Variants in CHRM5 observed in about 807,000 individuals in gnomAD.
CHRM5 encodes cholinergic receptor muscarinic 5.
CHRM5 carries 18 observed loss-of-function variants against 39.0 expected under a neutral mutation model. That is an observed-to-expected ratio of 0.46 (90% CI 0.32 to 0.68). The LOEUF (loss-of-function observed/expected upper bound fraction) is 0.68, where lower values mean the gene tolerates loss of function less well. CHRM5 is among the 30% of genes least tolerant of loss of function. The pLI, the probability that CHRM5 is intolerant of heterozygous loss-of-function variation, is 0.04. For synonymous variants in CHRM5, 241 were observed against 246.3 expected, an observed-to-expected ratio of 0.98 and a Z score of 0.20; for missense variants, 515 against 651.1, an observed-to-expected ratio of 0.79 and a Z score of 2.28.
chr15:34,041,997 A>C (rs1458286917), intron 1 of CHRM5, among the ~76,000 whole-genome samples: 1 of 152,160 alleles, frequency 6.6e-6, no homozygotes, highest in East Asian at 1.9e-4. Flanking sequence ...TTAGGATAGG[A>C]AAATTCTGAG....
At chr15:33,989,804 C>T (rs1195115933) in intron 1 of CHRM5, among the ~76,000 whole-genome samples, 7 of 151,594 alleles carry the variant, frequency 4.6e-5, no homozygotes, top group Non-Finnish European at 8.8e-5. Context: ...CAAAACCCAC[C>T]TAAAATTATC....
At chr15:34,035,405 A>C (rs186213008) in intron 1 of CHRM5, among the ~76,000 whole-genome samples, 128 of 152,354 alleles carry the variant, frequency 8.4e-4, no homozygotes, top group African/African-American at 3.0e-3. Context: ...GGCATGTGAA[A>C]GAATCACTCA....
At chr15:34,036,424 C>A (rs1441861109) in intron 1 of CHRM5, among the ~76,000 whole-genome samples, 1 of 152,076 alleles carries the variant, frequency 6.6e-6, no homozygotes, top group African/African-American at 2.4e-5. Context: ...GGCTAGGAGT[C>A]TATTATGATT....
chr15:34,005,766 T>C (rs1897313072), intron 1 of CHRM5, among the ~76,000 whole-genome samples: 1 of 152,220 alleles, frequency 6.6e-6, no homozygotes, highest in Non-Finnish European at 1.5e-5. Flanking sequence ...AATCCTCACC[T>C]GAATCAACTT....
At chr15:34,002,646 GA>G (rs931585594) in intron 1 of CHRM5, among the ~76,000 whole-genome samples, 18 of 151,292 alleles carry the variant, frequency 1.2e-4, no homozygotes, top group Non-Finnish European at 2.5e-4. Flanking sequence ...TTAAAAAAAG[GA>G]AAAAAAAGAG....
chr15:34,001,019 AT>A lies in CHRM5; in HGVS notation c.-408+31887del, dbSNP rs562045179. On this transcript the variant is annotated intron_variant, in intron 1 of 2. Coordinates refer to ENST00000383263, the MANE Select transcript of CHRM5 (RefSeq NM_012125.4). ...GACAGGCCTGCTAGGTTGGACTAGA[AT>A]TTTTTTTTTTTTTTTTTGAGACGGA... Among the ~76,000 whole-genome samples the A allele has an allele frequency of 9.4e-3, 1,290 of 136,734 alleles. 14 individuals are homozygous for A. Among genetic ancestry groups the A allele is most frequent in the African/African-American group, 0.028 (1,011 of 35,852 alleles). 89.7% of individuals were successfully genotyped at this position (136,734 alleles called of 152,430 possible). A position where few individuals can be genotyped will look rare whatever the true frequency, so the allele number is the denominator to read the frequency against.
At chr15:33,972,965 C>T (rs535224393) in intron 1 of CHRM5, among the ~76,000 whole-genome samples, 13 of 152,284 alleles carry the variant, frequency 8.5e-5, no homozygotes, top group Admixed American at 7.8e-4. Context: ...ATTGCTTGAT[C>T]CAGTGGTGTG....
intron 1 of CHRM5, among the ~76,000 whole-genome samples, chr15:34,035,007 T>C (rs2684940): frequency 0.83 from 126,049 of 152,210 alleles, 52,409 homozygotes; most frequent in East Asian, 1. Context: ...AAGGAGCAAG[T>C]CCTTAGACAC....
chr15:33,995,794 C>T (rs1409333396), intron 1 of CHRM5, among the ~76,000 whole-genome samples: 1 of 152,208 alleles, frequency 6.6e-6, no homozygotes, highest in Non-Finnish European at 1.5e-5. Context: ...TCTGCATTTC[C>T]AACTGAGGTA....
intron 1 of CHRM5, among the ~76,000 whole-genome samples, chr15:33,987,839 C>G (rs971935500): frequency 3.3e-5 from 5 of 152,190 alleles, no homozygotes; most frequent in Admixed American, 6.5e-5. Flanking sequence ...AGTGGGATCA[C>G]ACCCTGGATG....
chr15:34,026,334 A>C (rs1898470917), intron 1 of CHRM5, among the ~76,000 whole-genome samples: 1 of 152,200 alleles, frequency 6.6e-6, no homozygotes. Context: ...GTGACAGCAA[A>C]ATAGATGAAG....
chr15:33,996,888 G>A lies in CHRM5; in HGVS notation c.-408+27738G>A, dbSNP rs934198099. ...AGCTGACAGAAGTAGGCTTCGGAAG[G>A]CTGGTAATAACAAACTTCTCCCAGC... On this transcript the variant is annotated intron_variant, in intron 1 of 2. Transcript: ENST00000383263. Among the ~76,000 whole-genome samples the A allele has an allele frequency of 2.6e-5, 4 of 152,186 alleles. No homozygotes were observed. The South Asian group carries it at 8.3e-4, about 31-fold the overall frequency.
chr15:33,977,388 C>T (rs1249907259), intron 1 of CHRM5, among the ~76,000 whole-genome samples: 4 of 152,170 alleles, frequency 2.6e-5, no homozygotes, highest in Admixed American at 6.5e-5. Flanking sequence ...CCCTTATCAT[C>T]TCCTCCTATA....
At chr15:34,047,812 A>T (rs192096183) in intron 2 of CHRM5, among the ~76,000 whole-genome samples, 1 of 152,124 alleles carries the variant, frequency 6.6e-6, no homozygotes, top group East Asian at 1.9e-4. Flanking sequence ...GCAATGGCGC[A>T]ATCTCGGCTT....
At chr15:34,014,930 G>C (rs961442901) in intron 1 of CHRM5, among the ~76,000 whole-genome samples, 1 of 152,174 alleles carries the variant, frequency 6.6e-6, no homozygotes, top group African/African-American at 2.4e-5. Flanking sequence ...AAACAGAAAG[G>C]AAGGGTCAGA....
intron 1 of CHRM5, among the ~76,000 whole-genome samples, chr15:34,011,250 C>T (rs114739507): frequency 4.0e-5 from 6 of 151,864 alleles, no homozygotes; most frequent in Non-Finnish European, 5.9e-5. Context: ...GGGGGAACTA[C>T]GCTAGCAAAA....
intron 1 of CHRM5, among the ~76,000 whole-genome samples, chr15:34,007,377 G>A (rs937420597): frequency 2.6e-5 from 4 of 152,108 alleles, no homozygotes; most frequent in African/African-American, 4.8e-5. Context: ...AAGAGCCGAC[G>A]GCCCCTTACA....
In CHRM5 at chr15:34,066,061, C is replaced by T. The variant is rs1900502311; in HGVS notation, c.*1745C>T. ...CGGAGGCTTCAGGGTAGTAGAATCT[C>T]AGGCAGGACGGGACTGGTCCCTTAT... On this transcript the variant is annotated 3_prime_UTR_variant, in exon 3 of 3. Coordinates refer to ENST00000383263, the MANE Select transcript of CHRM5 (RefSeq NM_012125.4). 1 of 152,274 alleles carries T rather than the reference C, an allele frequency of 6.6e-6. No individual in the cohort carries two copies. The allele number at this position is 152,274 out of a possible 1,614,324, so 9.4% of individuals were successfully genotyped here.
intron 1 of CHRM5, among the ~76,000 whole-genome samples, chr15:33,974,621 T>C (rs569599338): frequency 6.6e-6 from 1 of 152,170 alleles, no homozygotes; most frequent in Non-Finnish European, 1.5e-5. Context: ...ACATGAATAA[T>C]GCATGTGTAC....
Sources: allele counts gnomAD v4.1 joint callset (sites outside exome capture counted in the v4.1 genomes callset), GRCh38; gene constraint gnomAD v4.1.1; transcripts MANE v1.5; gene names NCBI Gene and HGNC (gene_info 2026-07-23, HGNC 2026-07-21).